Variants in TUBGCP6 observed in about 807,000 individuals in gnomAD.
The protein encoded by TUBGCP6 is gamma-tubulin complex component 6.
TUBGCP6 carries 161 observed loss-of-function variants against 175.8 expected under a neutral mutation model. The ratio of observed to expected loss-of-function variants is 0.92; its 90% confidence interval spans 0.81 to 1.04. The LOEUF (loss-of-function observed/expected upper bound fraction) is 1.04, where lower values mean the gene tolerates loss of function less well. Among genes scored for constraint, TUBGCP6 ranks in the 50% least tolerant of loss-of-function variants. The probability of loss-of-function intolerance (pLI) is 0.00; values close to 1 mark genes in which losing one functional copy is unlikely to be tolerated. For synonymous variants in TUBGCP6, 1,173 were observed against 1,030.5 expected (o/e 1.14, Z -2.65); for missense variants, 2,572 against 2,433.0 (o/e 1.06, Z -1.20).
intron 3 of TUBGCP6, among the ~76,000 whole-genome samples, chr22:50,233,000 G>A (rs965330891): frequency 3.3e-5 from 5 of 152,226 alleles, no homozygotes; most frequent in African/African-American, 1.2e-4. Flanking sequence ...CCCGAGCGGT[G>A]GGAAGGCTCG....
chr22:50,225,059 G>GCCCACCCTCCCCCACC (rs2064585221), intron 10 of TUBGCP6, among the ~76,000 whole-genome samples: 6 of 104,286 alleles, frequency 5.8e-5, no homozygotes, highest in African/African-American at 2.1e-4. Flanking sequence ...CCGCCCCCCC[G>GCCCACCCTCCCCCACC]CCCACCCTCC....
chr22:50,233,869 CAT>C (rs1476019286), intron 2 of TUBGCP6, among the ~76,000 whole-genome samples: 1 of 152,078 alleles, frequency 6.6e-6, no homozygotes, highest in Non-Finnish European at 1.5e-5. Flanking sequence ...GTGATTCACT[CAT>C]AAAGTATTCT....
Position 50,230,011 on chromosome 22 carries a change from A to G in TUBGCP6, c.1117-434T>C, listed in dbSNP as rs187661438. Among the ~76,000 whole-genome samples, 7 of 152,278 alleles carry G rather than the reference A, an allele frequency of 4.6e-5. No individual in the cohort carries two copies. The East Asian group carries it at 1.2e-3, about 25-fold the overall frequency. ...TATAACCAGAGAGTGGAGACCCCCA[A>G]TAGAGGGCTCATGACAACCAAAACG... On this transcript the variant is annotated intron_variant, in intron 3 of 24. Coordinates refer to ENST00000248846, the MANE Select transcript of TUBGCP6 (RefSeq NM_020461.4).
At position 50,219,771 on chromosome 22, in the gene TUBGCP6, G is replaced by T; in HGVS notation, c.4188C>A (p.Ser1396Arg). 6.2e-7 allele frequency: 1 copy of T among 1,613,632 alleles called. No individual in the cohort carries two copies. The highest frequency in any genetic ancestry group is 8.5e-7 in the Non-Finnish European group (1 of 1,179,922). ...LNSQEDTAAQ[S>R]SPGRGEEAEA... ...CCGCCTCCTCACCACGGCCTGGGCT[G>T]CTCTGGGCAGCTGTGTCTTCCTAAC... The change falls in exon 18 of 25, where the codon AGC becomes AGA. Residue 1396 changes from serine to arginine, a missense_variant. By Grantham distance (110) the Ser-to-Arg change is moderately radical. Transcript: ENST00000248846.
Position 50,244,356 on chromosome 22 carries a change from C to G in TUBGCP6, c.104G>C (p.Arg35Pro). The stretch of plus-strand genomic sequence containing the variant: ...ATTGTAGGCCACCTTCTTGAGGCTC[C>G]GCTTTGCCCTCTTCCGGTTCACACT... The part of the protein sequence containing the change: ...QRSVNRKRAK[R>P]SLKKVAYNAL... Residue 35 changes from arginine to proline, a missense_variant, in exon 1 of 25, where the codon CGG becomes CCG. Physicochemically the swap from Arg to Pro is moderately radical, Grantham distance 103 (BLOSUM62 -2). Transcript: ENST00000248846. 1.2e-6 allele frequency: 2 copies of G among 1,613,458 alleles called. No homozygotes were observed. The highest frequency in any genetic ancestry group is 1.7e-6 in the Non-Finnish European group (2 of 1,180,030).
chr22:50,219,432 A>C lies in TUBGCP6; in HGVS notation c.4340T>G (p.Leu1447Trp), dbSNP rs990243426. ...GAAGGCCCGGGGAAGCACGGGGCGC[A>C]AAAGATGAGCAATGGGCGGCTCGGC... The part of the protein sequence containing the change: ...SMSEPPIAHL[L>W]RPVLPRAFAF... The change falls in exon 19 of 25, where the codon TTG (leucine) becomes TGG (tryptophan). Residue 1447 changes from leucine to tryptophan, a missense_variant. By Grantham distance (61) the Leu-to-Trp change is moderately conservative. Coordinates refer to ENST00000248846, the MANE Select transcript of TUBGCP6 (RefSeq NM_020461.4). 1.1e-5 allele frequency: 17 copies of C among 1,572,472 alleles called. No homozygotes were observed. Among genetic ancestry groups the C allele is most frequent in the Middle Eastern group, 1.7e-4 (1 of 5,980 alleles).
At chr22:50,239,812 AG>A (rs1464954596) in intron 2 of TUBGCP6, among the ~76,000 whole-genome samples, 3 of 152,210 alleles carry the variant, frequency 2.0e-5, no homozygotes, top group Admixed American at 2.0e-4. Context: ...CTAATCACAC[AG>A]CCTGCCAGGC....
rs867943995 is a variant in TUBGCP6, at chr22:50,233,209, C to G, written c.1116+107G>C. 1.9e-5 allele frequency: 25 copies of G among 1,345,506 alleles called. No homozygotes were observed. The Middle Eastern group carries it at 2.4e-3, about 132-fold the overall frequency. 83.3% of individuals were successfully genotyped at this position (1,345,506 alleles called of 1,614,324 possible). ...TGGGAGCTGGCCTTCCCTGCCACTCCCCACTCCCTGCACTGGGGCTTGTTC... is the reference window on the plus strand; with the variant it reads ...TGGGAGCTGGCCTTCCCTGCCACTCGCCACTCCCTGCACTGGGGCTTGTTC... On this transcript the variant is annotated intron_variant, in intron 3 of 24. Coordinates refer to ENST00000248846, the MANE Select transcript of TUBGCP6 (RefSeq NM_020461.4).
chr22:50,225,130 G>A (rs929603114), intron 10 of TUBGCP6, among the ~76,000 whole-genome samples: 7 of 148,234 alleles, frequency 4.7e-5, no homozygotes, highest in South Asian at 2.1e-4. Context: ...GGAGCTGACC[G>A]GCTCTCACAG....
chr22:50,217,832 G>C lies in TUBGCP6; in HGVS notation c.5369-5C>G. Reference sequence around the variant, plus strand: ...GGTTCACCAGCTTGGTCACCACTGGGGACCAGCGAGCAGCTCAGGCTTTTG... The same window carrying C: ...GGTTCACCAGCTTGGTCACCACTGGCGACCAGCGAGCAGCTCAGGCTTTTG... On this transcript the variant is annotated splice_region_variant and splice_polypyrimidine_tract_variant and intron_variant, in intron 24 of 24. Transcript: ENST00000248846. 6.2e-7 allele frequency: 1 copy of C among 1,613,462 alleles called. No individual in the cohort carries two copies. The highest frequency in any genetic ancestry group is 8.5e-7 in the Non-Finnish European group (1 of 1,179,800).
At position 50,218,020 on chromosome 22, in the gene TUBGCP6, A is replaced by T; in HGVS notation, c.5266T>A (p.Trp1756Arg). ...CCCCGCGGGCCCCCAGGGGGCCCCC[A>T]GGCCTGGGAGATGAGCTGGCTGCGG... is the stretch of plus-strand genomic sequence containing the variant. ...KFRSQLISQA[W>R]GPPGGPRGAE... The change falls in exon 24 of 25, where the codon TGG becomes AGG. Residue 1756 changes from tryptophan (W) to arginine (R), a missense_variant. By Grantham distance (101) the Trp-to-Arg change is moderately radical. Transcript: ENST00000248846. 6.2e-7 allele frequency: 1 copy of T among 1,613,160 alleles called. No individual in the cohort carries two copies. The highest frequency in any genetic ancestry group is 8.5e-7 in the Non-Finnish European group (1 of 1,179,856).
At position 50,235,617 on chromosome 22, in the gene TUBGCP6, T is replaced by C. The variant is rs577817657; in HGVS notation, c.906-2091A>G. ...AAAACACTGTGCAACTCCACTTACA[T>C]GAGGTCCCTACAGTGGCCAAAATCC... On this transcript the variant is annotated intron_variant, in intron 2 of 24. Coordinates refer to ENST00000248846, the MANE Select transcript of TUBGCP6 (RefSeq NM_020461.4). Among the ~76,000 whole-genome samples, 72 of 152,292 alleles carry C rather than the reference T, an allele frequency of 4.7e-4. No homozygotes were observed. The South Asian group carries it at 0.014, about 30-fold the overall frequency.
At position 50,240,225 on chromosome 22, in the gene TUBGCP6, C is replaced by G. The variant is rs1204359643; in HGVS notation, c.884G>C (p.Arg295Thr). Residue 295 changes from arginine to threonine, a missense_variant, in exon 2 of 25, where the codon AGG becomes ACG. Transcript: ENST00000248846. The stretch of plus-strand genomic sequence containing the variant: ...ACACCAGCCAACTCGCTCCCAGCAC[C>G]TCCGCTTGCTGGCCTCATAGGTAAG... ...AALTYEASKR[R>T]CWERVGCPPG... 6 of 1,613,974 alleles carry G rather than the reference C, an allele frequency of 3.7e-6. No individual in the cohort carries two copies. Among genetic ancestry groups the G allele is most frequent in the Non-Finnish European group, 4.2e-6 (5 of 1,180,044 alleles).
intron 4 of TUBGCP6, 141 bp from the exon 5 acceptor site, chr22:50,228,169 T>C: frequency 3.8e-6 from 4 of 1,043,668 alleles, no homozygotes; most frequent in Non-Finnish European, 5.3e-6. Context: ...TGGGCCTCTG[T>C]GAGCCACACC....
At position 50,244,333 on chromosome 22, in the gene TUBGCP6, T is replaced by G; in HGVS notation, c.127A>C (p.Asn43His). 6.2e-7 allele frequency: 1 copy of G among 1,613,586 alleles called. No homozygotes were observed. The highest frequency in any genetic ancestry group is 8.5e-7 in the Non-Finnish European group (1 of 1,180,034). ...TGAAAAAGATTTGTGAAAAGAGCAT[T>G]GTAGGCCACCTTCTTGAGGCTCCGC... is the stretch of plus-strand genomic sequence containing the variant. ...AKRSLKKVAY[N>H]ALFTNLFQDE... The change falls in exon 1 of 25, where the codon AAT becomes CAT. Residue 43 changes from asparagine to histidine, a missense_variant. Transcript: ENST00000248846.
Position 50,219,951 on chromosome 22 carries a change from C to G in TUBGCP6, c.4167+6G>C. The stretch of plus-strand genomic sequence containing the variant: ...CTGTGGGACCCCCAGGCTGCATCCA[C>G]CTAACCTGTGAGTTGAGAGGCCAAT... On this transcript the variant is annotated splice_donor_region_variant and intron_variant, in intron 17 of 24. Coordinates refer to ENST00000248846, the MANE Select transcript of TUBGCP6 (RefSeq NM_020461.4). The G allele has an allele frequency of 3.1e-6, 5 of 1,614,086 alleles. No individual in the cohort carries two copies. Among genetic ancestry groups the G allele is most frequent in the Non-Finnish European group, 4.2e-6 (5 of 1,179,982 alleles).
chr22:50,241,571 T>C (rs181021661), intron 1 of TUBGCP6, among the ~76,000 whole-genome samples: 1 of 152,248 alleles, frequency 6.6e-6, no homozygotes, highest in Non-Finnish European at 1.5e-5. Flanking sequence ...TGTTCCATCC[T>C]GTACACCTGG....
intron 15 of TUBGCP6, 65 bp from the exon 16 acceptor site, chr22:50,221,939 C>A: frequency 6.3e-7 from 1 of 1,576,790 alleles, no homozygotes; most frequent in Non-Finnish European, 8.6e-7. Context: ...AACTGTCCCC[C>A]AAGTTCAGCT....
chr22:50,224,373 G>T lies in TUBGCP6; in HGVS notation c.2113C>A (p.Gln705Lys). The change falls in exon 12 of 25, where the codon CAG becomes AAG. Residue 705 changes from glutamine (Q) to lysine (K), a missense_variant. By Grantham distance (53) the Gln-to-Lys change is moderately conservative. Transcript: ENST00000248846. ...RMALDARKRE[Q>K]FQRLKEQFVK... ...AATTGTTCTTTCAGCCTCTGAAACT[G>T]CTCACGCTTCCGGGCATCCAAGGCC... 6.2e-7 allele frequency: 1 copy of T among 1,614,242 alleles called. No individual in the cohort carries two copies. Among genetic ancestry groups the T allele is most frequent in the African/African-American group, 1.3e-5 (1 of 75,068 alleles).
Sources: gnomAD v4.1 joint callset for allele counts (sites outside exome capture counted in the v4.1 genomes callset) on GRCh38, gnomAD v4.1.1 for gene constraint, MANE v1.5 for transcripts, NCBI Gene and HGNC (gene_info 2026-07-23, HGNC 2026-07-21) for gene names.